The following TENM3 variants were observed in gnomAD, a reference collection of about 807,000 sequenced individuals.
TENM3 encodes the protein teneurin-3.
TENM3 carries 63 observed loss-of-function variants against 255.1 expected under a neutral mutation model. The ratio of observed to expected loss-of-function variants is 0.25; its 90% CI spans 0.20 to 0.30. The LOEUF (loss-of-function observed/expected upper bound fraction) is 0.30. TENM3 is among the 10% of genes least tolerant of loss of function. The pLI is 1.00. For missense variants in TENM3, 2,929 were observed against 3,461.1 expected, an observed-to-expected ratio of 0.85 and a Z score of 3.86; for synonymous variants, 1,306 against 1,322.3, an observed-to-expected ratio of 0.99 and a Z score of 0.27.
intron 3 of TENM3, among the ~76,000 whole-genome samples, chr4:182,596,543 A>T (rs1158585439): frequency 6.6e-6 from 1 of 152,196 alleles, no homozygotes; most frequent in East Asian, 1.9e-4. Context: ...ATCTTAAAGT[A>T]ATTTGGATTT....
chr4:182,635,552 A>C (rs1439266178), intron 5 of TENM3, among the ~76,000 whole-genome samples: 1 of 152,138 alleles, frequency 6.6e-6, no homozygotes, highest in Non-Finnish European at 1.5e-5. Flanking sequence ...CAAATAACTC[A>C]GCTTTGTTTT....
intron 13 of TENM3, among the ~76,000 whole-genome samples, chr4:182,719,727 A>T (rs1759548273): frequency 6.6e-6 from 1 of 152,160 alleles, no homozygotes; most frequent in African/African-American, 2.4e-5. Flanking sequence ...TAAGAAATAA[A>T]TAATTAGATA....
the TENM3 span, among the ~76,000 whole-genome samples, chr4:182,072,934 T>C: frequency 6.6e-6 from 1 of 152,196 alleles, no homozygotes; most frequent in African/African-American, 2.4e-5. Flanking sequence ...AATGAGATTA[T>C]AAGGGTGAAG....
At chr4:182,131,819 C>T in the TENM3 span, among the ~76,000 whole-genome samples, 1 of 152,180 alleles carries the variant, frequency 6.6e-6, no homozygotes, top group East Asian at 1.9e-4. Flanking sequence ...GCCATTCACT[C>T]CCTAAGGTGT....
intron 3 of TENM3, among the ~76,000 whole-genome samples, chr4:182,396,358 T>G (rs1380780553): frequency 6.6e-6 from 1 of 152,194 alleles, no homozygotes; most frequent in Non-Finnish European, 1.5e-5. Context: ...TGTCTTCCAC[T>G]TACAGCTGTG....
chr4:182,564,441 A>T (rs912637367), intron 3 of TENM3, among the ~76,000 whole-genome samples: 5 of 152,118 alleles, frequency 3.3e-5, no homozygotes, highest in African/African-American at 1.2e-4. Context: ...GGCTGTCACC[A>T]CCATGCCTGG....
At chr4:181,650,408 G>T in the TENM3 span, among the ~76,000 whole-genome samples, 1 of 152,064 alleles carries the variant, frequency 6.6e-6, no homozygotes, top group African/African-American at 2.4e-5. Flanking sequence ...GCTACATGGG[G>T]GTCATGTAGG....
At chr4:181,910,719 C>T in the TENM3 span, among the ~76,000 whole-genome samples, 7 of 151,236 alleles carry the variant, frequency 4.6e-5, no homozygotes, top group Non-Finnish European at 1.0e-4. Context: ...TCAGGTAATC[C>T]ACCTGCCTCA....
chr4:182,681,751 T>C, intron 10 of TENM3, 63 bp from the exon 11 acceptor site: 1 of 1,200,744 alleles, frequency 8.3e-7, no homozygotes, highest in Non-Finnish European at 1.2e-6. Flanking sequence ...GATTTAATTC[T>C]TTTTTCTGCA....
chr4:181,972,411 G>A, the TENM3 span, among the ~76,000 whole-genome samples: 1 of 136,732 alleles, frequency 7.3e-6, no homozygotes, highest in African/African-American at 2.8e-5. Flanking sequence ...CTCCAACCCG[G>A]ATGACAGAGT....
At chr4:181,602,684 T>C in the TENM3 span, among the ~76,000 whole-genome samples, 1 of 152,286 alleles carries the variant, frequency 6.6e-6, no homozygotes, top group East Asian at 1.9e-4. Flanking sequence ...ATTCTTTGTA[T>C]GGTACATCTA....
chr4:182,503,511 C>T (rs1438449454), intron 3 of TENM3, among the ~76,000 whole-genome samples: 2 of 152,030 alleles, frequency 1.3e-5, no homozygotes, highest in African/African-American at 4.8e-5. Context: ...TTTTTTTCTG[C>T]CCCAAGTAAC....
the TENM3 span, among the ~76,000 whole-genome samples, chr4:181,553,881 C>A: frequency 3.8e-4 from 57 of 148,662 alleles, no homozygotes; most frequent in African/African-American, 1.3e-3. Flanking sequence ...TAAGTGGGCT[C>A]TTAGCGCTGC....
chr4:181,708,990 A>C, the TENM3 span, among the ~76,000 whole-genome samples: 1 of 152,220 alleles, frequency 6.6e-6, no homozygotes, highest in Non-Finnish European at 1.5e-5. Context: ...TTGAGTATTA[A>C]ATAGAAAACA....
intron 3 of TENM3, among the ~76,000 whole-genome samples, chr4:182,540,759 A>G (rs973842949): frequency 2.0e-5 from 3 of 152,226 alleles, no homozygotes; most frequent in Admixed American, 6.5e-5. Context: ...AGATGCATAT[A>G]CATATATGGC....
At chr4:182,425,483 T>C (rs939184254) in intron 3 of TENM3, among the ~76,000 whole-genome samples, 1 of 152,192 alleles carries the variant, frequency 6.6e-6, no homozygotes, top group African/African-American at 2.4e-5. Flanking sequence ...AAACATTCCA[T>C]TAAAAAGGGA....
At chr4:182,655,936 A>G (rs1753707018) in intron 6 of TENM3, among the ~76,000 whole-genome samples, 1 of 152,118 alleles carries the variant, frequency 6.6e-6, no homozygotes, top group South Asian at 2.1e-4. Context: ...TGTATTTCTC[A>G]TTTTTAACAA....
chr4:182,324,729 GT>G (rs1160180351), intron 2 of TENM3, among the ~76,000 whole-genome samples: 2 of 152,208 alleles, frequency 1.3e-5, no homozygotes, highest in African/African-American at 4.8e-5. Flanking sequence ...CAGTCCTGCT[GT>G]TTGCCTCTGT....
chr4:181,834,144 G>T, the TENM3 span, among the ~76,000 whole-genome samples: 1 of 151,488 alleles, frequency 6.6e-6, no homozygotes, highest in Non-Finnish European at 1.5e-5. Flanking sequence ...AAGAAAGAAT[G>T]GAAGGGGATT....
Sources: gnomAD v4.1 joint callset for allele counts (sites outside exome capture counted in the v4.1 genomes callset) on GRCh38, gnomAD v4.1.1 for gene constraint, MANE v1.5 for transcripts, NCBI Gene and HGNC (gene_info 2026-07-23, HGNC 2026-07-21) for gene names.